CEP83: variants seen among roughly 807,000 people sequenced by gnomAD.
CEP83 encodes the protein centrosomal protein of 83 kDa.
Under a neutral mutation model 101.9 loss-of-function variants are expected in CEP83, and 70 were observed. The observed-to-expected ratio is 0.69, with a 90% confidence interval of 0.57 to 0.84. The LOEUF (loss-of-function observed/expected upper bound fraction) is 0.84, where lower values mean the gene tolerates loss of function less well. Ranked by LOEUF, CEP83 falls within the 40% of genes least tolerant of loss-of-function variation. CEP83 has a pLI of 0.00. For synonymous variants in CEP83, 264 were observed against 267.9 expected (o/e 0.99, Z 0.14); for missense variants, 715 against 787.2 (o/e 0.91, Z 1.10).
chr12:94,340,537 C>T (rs759156131), intron 11 of CEP83, among the ~76,000 whole-genome samples: 4 of 151,794 alleles, frequency 2.6e-5, no homozygotes, highest in Non-Finnish European at 5.9e-5. Context: ...CCCAGGTTCA[C>T]GCAATTCTCC....
chr12:94,416,501 C>T (rs1340753613), intron 2 of CEP83, among the ~76,000 whole-genome samples: 1 of 151,346 alleles, frequency 6.6e-6, no homozygotes, highest in Non-Finnish European at 1.5e-5. Flanking sequence ...AAAGAGGGAG[C>T]CTAGCAAGAT....
intron 11 of CEP83, among the ~76,000 whole-genome samples, chr12:94,341,532 C>A: frequency 6.7e-6 from 1 of 148,386 alleles, no homozygotes; most frequent in South Asian, 2.2e-4. Flanking sequence ...GGAAAAAATA[C>A]CACAATTGTT....
chr12:94,391,502 C>A (rs541984830), intron 6 of CEP83, among the ~76,000 whole-genome samples: 1 of 152,126 alleles, frequency 6.6e-6, no homozygotes, highest in African/African-American at 2.4e-5. Context: ...AAGAAACAAC[C>A]GGTATCAGCC....
In CEP83 at chr12:94,449,370, G is replaced by C. The variant is rs144575818; in HGVS notation, c.-155+10187C>G. 3.3e-5 allele frequency among the ~76,000 whole-genome samples: 5 copies of C among 152,190 alleles called. No homozygotes were observed. The South Asian group carries it at 6.2e-4, about 19-fold the overall frequency. On this transcript the variant is annotated intron_variant, in intron 1 of 16. Transcript: ENST00000397809. ...TTTAAAGCAGTAAGAGCAAGATCAC[G>C]AGCAACCAACAGACTAATATCCCTC...
intron 14 of CEP83, among the ~76,000 whole-genome samples, chr12:94,324,544 T>TCTGA (rs1405738113): frequency 1.3e-5 from 2 of 152,154 alleles, no homozygotes; most frequent in African/African-American, 2.4e-5. Context: ...TTGTGGGGAG[T>TCTGA]CTGAGGACAA....
intron 8 of CEP83, 50 bp downstream of exon 8, chr12:94,375,836 T>G (rs772772964): frequency 2.0e-6 from 2 of 1,023,500 alleles, no homozygotes; most frequent in African/African-American, 3.4e-5. Context: ...TTTATCATTA[T>G]ATACTAACAA....
the CEP83 span, among the ~76,000 whole-genome samples, chr12:94,300,552 G>C: frequency 1.3e-5 from 2 of 152,208 alleles, no homozygotes; most frequent in African/African-American, 4.8e-5. Flanking sequence ...GCAGAGGAGA[G>C]ACATGGTCTG....
chr12:94,373,054 C>T (rs1404010281), intron 8 of CEP83, among the ~76,000 whole-genome samples: 1 of 152,142 alleles, frequency 6.6e-6, no homozygotes, highest in Non-Finnish European at 1.5e-5. Context: ...AGTAAAGTTT[C>T]TTTCTGCCCC....
chr12:94,437,568 G>A (rs545343918), intron 1 of CEP83, among the ~76,000 whole-genome samples: 1 of 152,316 alleles, frequency 6.6e-6, no homozygotes, highest in African/African-American at 2.4e-5. Context: ...AGAAGGAATT[G>A]GGTCCTATCT....
rs1429451623 is a variant in CEP83 at position 94,411,864 on chromosome 12, A to G, written c.174-17T>C. On this transcript the variant is annotated splice_polypyrimidine_tract_variant and intron_variant, in intron 3 of 16. Coordinates refer to ENST00000397809, the MANE Select transcript of CEP83 (RefSeq NM_016122.3). The stretch of plus-strand genomic sequence containing the variant: ...TTCTGCAACCTGGTTTTTTTTAAAG[A>G]GAATTCAATTTTGAGTAAATCCTTT... 6.3e-7 allele frequency: 1 copy of G among 1,598,048 alleles called. No homozygotes were observed. Among genetic ancestry groups the G allele is most frequent in the Middle Eastern group, 1.9e-4 (1 of 5,244 alleles).
At chr12:94,359,254 C>T (rs946417843) in intron 11 of CEP83, among the ~76,000 whole-genome samples, 2 of 152,190 alleles carry the variant, frequency 1.3e-5, no homozygotes, top group African/African-American at 2.4e-5. Context: ...GTGTGTGTCT[C>T]TAATCCCTCT....
intron 8 of CEP83, among the ~76,000 whole-genome samples, chr12:94,372,345 C>G (rs1486208733): frequency 6.6e-6 from 1 of 152,190 alleles, no homozygotes; most frequent in East Asian, 1.9e-4. Context: ...TACATGACAA[C>G]AGCTGATAAT....
chr12:94,363,249 T>C (rs997767433), intron 11 of CEP83, among the ~76,000 whole-genome samples: 3 of 152,204 alleles, frequency 2.0e-5, no homozygotes, highest in Non-Finnish European at 4.4e-5. Context: ...GATTTGATCA[T>C]TACACATTGT....
At chr12:94,277,956 CCT>C in the CEP83 span, 12 of 455,948 alleles carry the variant, frequency 2.6e-5, no homozygotes, top group South Asian at 4.6e-5. Flanking sequence ...TCATCTCTCC[CCT>C]GAGCCCTAGG....
At chr12:94,395,127 A>G (rs973724517) in intron 6 of CEP83, among the ~76,000 whole-genome samples, 2 of 151,884 alleles carry the variant, frequency 1.3e-5, no homozygotes, top group Non-Finnish European at 2.9e-5. Flanking sequence ...TTGGGTACAT[A>G]CCCAAAGGAT....
intron 1 of CEP83, among the ~76,000 whole-genome samples, chr12:94,450,612 C>T (rs750605119): frequency 7.2e-5 from 11 of 152,118 alleles, no homozygotes; most frequent in Non-Finnish European, 1.2e-4. Context: ...ACTCCATTTC[C>T]AAGAGCATCA....
At chr12:94,392,152 T>A (rs931655790) in intron 6 of CEP83, among the ~76,000 whole-genome samples, 11 of 152,208 alleles carry the variant, frequency 7.2e-5, no homozygotes, top group African/African-American at 2.7e-4. Flanking sequence ...AATAGACATC[T>A]ACAGAACTGT....
intron 2 of CEP83, among the ~76,000 whole-genome samples, chr12:94,417,604 C>A (rs1406567392): frequency 6.6e-6 from 1 of 152,042 alleles, no homozygotes; most frequent in Non-Finnish European, 1.5e-5. Context: ...GCCTGGCCAA[C>A]ATGGCAAAAC....
At chr12:94,289,398 T>C in the CEP83 span, among the ~76,000 whole-genome samples, 1 of 152,344 alleles carries the variant, frequency 6.6e-6, no homozygotes, top group East Asian at 1.9e-4. Flanking sequence ...CCTGTGAGAC[T>C]GGAAGGAATT....
Sources: allele counts gnomAD v4.1 joint callset (sites outside exome capture counted in the v4.1 genomes callset), GRCh38; gene constraint gnomAD v4.1.1; transcripts MANE v1.5; gene names NCBI Gene and HGNC (gene_info 2026-07-23, HGNC 2026-07-21).